ZHX3: variants seen among roughly 807,000 people sequenced by gnomAD.
ZHX3 encodes the protein zinc fingers and homeoboxes 3.
A neutral mutation model predicts 64.5 loss-of-function variants in ZHX3; 20 were observed. The ratio of observed to expected loss-of-function variants is 0.31; its 90% confidence interval spans 0.22 to 0.45. The LOEUF is 0.45. Ranked by LOEUF, ZHX3 falls within the 20% of genes least tolerant of loss-of-function variation. The probability of loss-of-function intolerance (pLI) is 1.00; values close to 1 mark genes in which losing one functional copy is unlikely to be tolerated. For synonymous variants in ZHX3, 423 were observed against 461.6 expected (o/e 0.92, Z 1.07); for missense variants, 1,041 against 1,195.8 (o/e 0.87, Z 1.91).
intron 2 of ZHX3, among the ~76,000 whole-genome samples, chr20:41,255,744 T>C (rs2042217375): frequency 6.6e-6 from 1 of 152,188 alleles, no homozygotes. Context: ...TTTCACTACT[T>C]TGAGGTTACA....
intron 3 of ZHX3, among the ~76,000 whole-genome samples, chr20:41,192,376 C>A (rs970630953): frequency 2.0e-5 from 3 of 152,168 alleles, no homozygotes; most frequent in African/African-American, 7.2e-5. Flanking sequence ...AGGTGCCAAC[C>A]AAGGTGGGCA....
chr20:41,265,462 A>G (rs1228450462), intron 2 of ZHX3, among the ~76,000 whole-genome samples: 1 of 152,152 alleles, frequency 6.6e-6, no homozygotes, highest in Non-Finnish European at 1.5e-5. Flanking sequence ...TCGGCCTCCC[A>G]AAGTGCTGGG....
At chr20:41,298,078 T>C (rs2044627116) in intron 1 of ZHX3, among the ~76,000 whole-genome samples, 1 of 152,030 alleles carries the variant, frequency 6.6e-6, no homozygotes, top group South Asian at 2.1e-4. Flanking sequence ...TCCAATTCTT[T>C]TTTTTTTTAT....
intron 1 of ZHX3, among the ~76,000 whole-genome samples, chr20:41,287,486 C>T (rs1207344924): frequency 1.3e-5 from 2 of 152,176 alleles, no homozygotes; most frequent in Admixed American, 6.5e-5. Context: ...GACTTACTGA[C>T]TCATTTCTAA....
Position 41,183,765 on chromosome 20 carries a change from C to G in ZHX3, c.*1426G>C, listed in dbSNP as rs2036327691. ...TACAGGTGGACAGGTCTTTAGTTCG[C>G]CCCTCTTTACCAGCTACTCTCAGAG... is the stretch of plus-strand genomic sequence containing the variant. On this transcript the variant is annotated 3_prime_UTR_variant, in exon 4 of 4. Transcript: ENST00000683867. The surrounding 1 kb of genome is among the most constrained non-coding windows in gnomAD (Gnocchi z 5.3). The G allele has an allele frequency of 6.6e-6, 1 of 152,182 alleles. No individual in the cohort carries two copies. Among genetic ancestry groups the G allele is most frequent in the African/African-American group, 2.4e-5 (1 of 41,436 alleles). 9.4% of individuals were successfully genotyped at this position (152,182 alleles called of 1,614,324 possible).
intron 1 of ZHX3, among the ~76,000 whole-genome samples, chr20:41,315,520 G>T (rs6029623): frequency 0.18 from 27,000 of 151,858 alleles, 3,949 homozygotes; most frequent in African/African-American, 0.41. Context: ...GTCTGGCAAG[G>T]CTCGAAGTGA....
chr20:41,312,536 G>A (rs889360642), intron 1 of ZHX3, among the ~76,000 whole-genome samples: 4 of 152,108 alleles, frequency 2.6e-5, no homozygotes, highest in African/African-American at 4.8e-5. Flanking sequence ...AATGAACTCC[G>A]GACACACTAT....
intron 2 of ZHX3, among the ~76,000 whole-genome samples, chr20:41,205,271 A>G (rs1170337751): frequency 6.6e-6 from 1 of 152,126 alleles, no homozygotes; most frequent in African/African-American, 2.4e-5. Flanking sequence ...GGATGGTCCA[A>G]TACCAACTGA....
chr20:41,199,169 G>C (rs1600740201), intron 3 of ZHX3, among the ~76,000 whole-genome samples: 1 of 152,084 alleles, frequency 6.6e-6, no homozygotes, highest in South Asian at 2.1e-4. Flanking sequence ...TTTTCCTTTA[G>C]CTCGCTGAAC....
At chr20:41,262,155 T>C (rs1349797371) in intron 2 of ZHX3, among the ~76,000 whole-genome samples, 7 of 152,254 alleles carry the variant, frequency 4.6e-5, no homozygotes, top group Admixed American at 4.6e-4. Context: ...GCTCAAGTTG[T>C]TCTCACCTCT....
At chr20:41,293,166 C>G (rs1269459233) in intron 1 of ZHX3, among the ~76,000 whole-genome samples, 1 of 152,172 alleles carries the variant, frequency 6.6e-6, no homozygotes, top group Non-Finnish European at 1.5e-5. Flanking sequence ...CCCTGCTACT[C>G]AAAAGATGAT....
At chr20:41,239,449 G>T (rs1425581264) in intron 2 of ZHX3, 1 of 152,756 alleles carries the variant, frequency 6.5e-6, no homozygotes, top group Non-Finnish European at 1.5e-5. Flanking sequence ...GCCGTCTTGG[G>T]GAGGTCTATC....
intron 1 of ZHX3, among the ~76,000 whole-genome samples, chr20:41,315,240 T>C (rs1489131920): frequency 6.6e-6 from 1 of 150,988 alleles, no homozygotes; most frequent in Non-Finnish European, 1.5e-5. Flanking sequence ...TGGAGTGCGG[T>C]GGTGTGATCT....
At chr20:41,301,831 G>A (rs1180149626) in intron 1 of ZHX3, among the ~76,000 whole-genome samples, 1 of 151,910 alleles carries the variant, frequency 6.6e-6, no homozygotes, top group Admixed American at 6.6e-5. Context: ...GAGGCGGGCG[G>A]ATCACGAGGT....
intron 2 of ZHX3, among the ~76,000 whole-genome samples, chr20:41,218,222 T>C (rs6102306): frequency 0.064 from 9,681 of 151,830 alleles, 1,021 homozygotes; most frequent in African/African-American, 0.22. Flanking sequence ...GGAGACAGGA[T>C]TGCCTGAGCC....
intron 2 of ZHX3, among the ~76,000 whole-genome samples, chr20:41,211,021 T>C (rs953525155): frequency 3.3e-5 from 5 of 152,132 alleles, no homozygotes; most frequent in Admixed American, 2.0e-4. Flanking sequence ...GACTTCACAC[T>C]TTTAAAATGC....
At chr20:41,238,992 C>CTTTTTTTTT (rs36076017) in intron 2 of ZHX3, among the ~76,000 whole-genome samples, 2 of 86,326 alleles carry the variant, frequency 2.3e-5, no homozygotes, top group Non-Finnish European at 2.1e-5. Context: ...TTTTCTCTCT[C>CTTTTTTTTT]TTTTTTTTTT....
intron 3 of ZHX3, among the ~76,000 whole-genome samples, chr20:41,197,392 T>G (rs2037825497): frequency 6.8e-6 from 1 of 147,336 alleles, no homozygotes; most frequent in South Asian, 2.1e-4. Flanking sequence ...ATATTTTAAA[T>G]ATATTTTATA....
intron 3 of ZHX3, among the ~76,000 whole-genome samples, chr20:41,189,988 T>C (rs891033833): frequency 5.3e-5 from 8 of 152,156 alleles, no homozygotes; most frequent in South Asian, 2.1e-4. Flanking sequence ...ATCTTCTTTC[T>C]ATGCAGTTTT....
Sources: allele counts gnomAD v4.1 joint callset (sites outside exome capture counted in the v4.1 genomes callset), GRCh38; gene constraint gnomAD v4.1.1; non-coding constraint Gnocchi (gnomAD v3.1); transcripts MANE v1.5; gene names NCBI Gene and HGNC (gene_info 2026-07-23, HGNC 2026-07-21).